CDYL2: variants seen among roughly 807,000 people sequenced by gnomAD.
CDYL2 encodes the protein chromodomain Y-like protein 2.
In CDYL2, 23 loss-of-function variants were observed where a neutral mutation model predicts 49.4. That is an observed-to-expected ratio of 0.47 (90% confidence interval 0.34 to 0.66). CDYL2 has a LOEUF of 0.66. Among genes scored for constraint, CDYL2 ranks in the 30% least tolerant of loss-of-function variants. The probability of loss-of-function intolerance (pLI) is 0.01; values close to 1 mark genes in which losing one functional copy is unlikely to be tolerated. For synonymous variants in CDYL2, 360 were observed against 268.8 expected, an observed-to-expected ratio of 1.34 and a Z score of -3.32; for missense variants, 678 against 656.4, an observed-to-expected ratio of 1.03 and a Z score of -0.36.
chr16:80,690,610 G>T (rs1338830647), intron 1 of CDYL2, among the ~76,000 whole-genome samples: 1 of 152,208 alleles, frequency 6.6e-6, no homozygotes. Context: ...CAAATCCCAT[G>T]CTCTCGGCGA....
Position 80,684,913 on chromosome 16 carries a change from T to G in CDYL2, c.241A>C (p.Ser81Arg). 2 of 1,614,210 alleles carry G rather than the reference T, an allele frequency of 1.2e-6. No individual in the cohort carries two copies. Among genetic ancestry groups the G allele is most frequent in the Non-Finnish European group, 1.7e-6 (2 of 1,180,030 alleles). The change falls in exon 2 of 7, where the codon AGT (serine) becomes CGT (arginine). Residue 81 changes from serine (S) to arginine (R), a missense_variant. Physicochemically the swap from Ser to Arg is moderately radical, Grantham distance 110. This residue lies in a region of CDYL2 where 478 missense variants were observed against 427.0 expected (regional missense o/e 1.12). Transcript: ENST00000570137. ...QSSTSKLLRD[S>R]RGPSVEKLSH... ...AGTTTCTCAACCGACGGGCCTCGACTGTCACGCAGCAGCTTGGAGGTACTG... is the reference window on the plus strand; with the variant it reads ...AGTTTCTCAACCGACGGGCCTCGACGGTCACGCAGCAGCTTGGAGGTACTG...
intron 1 of CDYL2, among the ~76,000 whole-genome samples, chr16:80,717,270 A>G (rs940945070): frequency 6.6e-6 from 1 of 152,180 alleles, no homozygotes; most frequent in African/African-American, 2.4e-5. Flanking sequence ...CACCTTCAGG[A>G]GCTACCCAGA....
chr16:80,665,503 A>AT (rs1426458913), intron 2 of CDYL2, among the ~76,000 whole-genome samples: 3 of 49,874 alleles, frequency 6.0e-5, no homozygotes, highest in African/African-American at 1.9e-4. Context: ...GGTTTTTGCC[A>AT]TTAAAAAAAA....
intron 2 of CDYL2, among the ~76,000 whole-genome samples, chr16:80,651,852 G>C (rs1308174629): frequency 6.6e-6 from 1 of 152,168 alleles, no homozygotes; most frequent in Non-Finnish European, 1.5e-5. Flanking sequence ...TGTTATACTT[G>C]TATACTGGAA....
At position 80,602,942 on chromosome 16, in the gene CDYL2, AC is replaced by A. The variant is rs1354485792; in HGVS notation, c.*1445del. On this transcript the variant is annotated 3_prime_UTR_variant, in exon 7 of 7. Transcript: ENST00000570137. ...TTTCTCCTCACCACTCAAAACCACA[AC>A]CCCCAATCCCTCCTTCTCTGTAGTT... The A allele has an allele frequency of 3.3e-5, 5 of 151,794 alleles. No homozygotes were observed. Among genetic ancestry groups the A allele is most frequent in the Non-Finnish European group, 5.9e-5 (4 of 68,024 alleles). 9.4% of individuals were successfully genotyped at this position (151,794 alleles called of 1,614,324 possible). A position where few individuals can be genotyped will look rare whatever the true frequency, so the allele number is the denominator to read the frequency against.
rs1906662411 is a variant in CDYL2 at position 80,612,808 on chromosome 16, T to G, written c.1036A>C (p.Lys346Gln). ...RDFVKAFIQF[K>Q]KPIVVAINGP... ...TTGATGGCCACCACGATAGGCTTCT[T>G]AAACTGGATAAAGGCCTTCACAAAG... The change falls in exon 5 of 7, where the codon AAG becomes CAG. Residue 346 changes from lysine (K) to glutamine (Q), a missense_variant. Lys to Gln is a moderately conservative substitution (Grantham distance 53). Coordinates refer to ENST00000570137, the MANE Select transcript of CDYL2 (RefSeq NM_152342.4). The surrounding 1 kb of genome is among the most constrained non-coding windows in gnomAD (Gnocchi z 5.0). 1 of 1,613,512 alleles carries G rather than the reference T, an allele frequency of 6.2e-7. No individual in the cohort carries two copies. Among genetic ancestry groups the G allele is most frequent in the Non-Finnish European group, 8.5e-7 (1 of 1,179,750 alleles).
chr16:80,787,938 G>C (rs1444826652), intron 1 of CDYL2, among the ~76,000 whole-genome samples: 14 of 152,066 alleles, frequency 9.2e-5, no homozygotes, highest in Admixed American at 9.2e-4. Context: ...GGAAGTCTAG[G>C]CATCCTGAGC....
chr16:80,605,616 T>A (rs1906297863), intron 6 of CDYL2, among the ~76,000 whole-genome samples: 1 of 151,122 alleles, frequency 6.6e-6, no homozygotes, highest in African/African-American at 2.4e-5. Flanking sequence ...TAATGAACAA[T>A]AATCATAGTA....
chr16:80,740,167 C>T (rs956644206), intron 1 of CDYL2, among the ~76,000 whole-genome samples: 1 of 152,182 alleles, frequency 6.6e-6, no homozygotes, highest in African/African-American at 2.4e-5. Flanking sequence ...GTGTTCCTTG[C>T]TAACCTTGCT....
intron 1 of CDYL2, among the ~76,000 whole-genome samples, chr16:80,709,166 G>A (rs998634450): frequency 6.6e-6 from 1 of 152,116 alleles, no homozygotes; most frequent in Admixed American, 6.5e-5. Flanking sequence ...GGCAGATCAC[G>A]AAGTCAACAG....
chr16:80,738,681 T>C (rs898884812), intron 1 of CDYL2: 1 of 152,236 alleles, frequency 6.6e-6, no homozygotes, highest in Non-Finnish European at 1.5e-5. Flanking sequence ...TATGCTACAA[T>C]TAACTGTGGT....
rs79496707 is a variant in CDYL2, at chr16:80,618,753, T to A, written c.1007+2010A>T. On this transcript the variant is annotated intron_variant, in intron 4 of 6. Coordinates refer to ENST00000570137, the MANE Select transcript of CDYL2 (RefSeq NM_152342.4). The stretch of plus-strand genomic sequence containing the variant: ...GCCTGCAGCTGTCCAGGATAATCTG[T>A]TAACAGACCCCATCCAGCAAAGGTG... Among the ~76,000 whole-genome samples the A allele has an allele frequency of 9.8e-4, 149 of 152,274 alleles. 1 individual carries two copies. The East Asian group carries it at 0.027, about 28-fold the overall frequency.
chr16:80,654,025 C>G (rs1908699329), intron 2 of CDYL2, among the ~76,000 whole-genome samples: 1 of 152,210 alleles, frequency 6.6e-6, no homozygotes, highest in Non-Finnish European at 1.5e-5. Context: ...GTTGGAAAAT[C>G]TCCTGGACTG....
chr16:80,672,535 A>AAAAGGAAAAGGAAAGGAAAGG, intron 2 of CDYL2, among the ~76,000 whole-genome samples: 1 of 46,324 alleles, frequency 2.2e-5, no homozygotes, highest in East Asian at 6.7e-4. Context: ...AAGGAAAAGG[A>AAAAGGAAAAGGAAAGGAAAGG]AAAGGAAAGG....
intron 1 of CDYL2, among the ~76,000 whole-genome samples, chr16:80,801,748 A>G (rs1907933306): frequency 1.3e-5 from 2 of 152,250 alleles, no homozygotes; most frequent in South Asian, 4.1e-4. Flanking sequence ...TTCTTAAATC[A>G]ATATGCTACT....
intron 1 of CDYL2, among the ~76,000 whole-genome samples, chr16:80,699,126 A>G (rs1207867289): frequency 6.6e-6 from 1 of 152,222 alleles, no homozygotes; most frequent in Admixed American, 6.5e-5. Flanking sequence ...TAAAAATTTA[A>G]TATCATATGA....
chr16:80,748,134 T>C (rs1454729045), intron 1 of CDYL2, among the ~76,000 whole-genome samples: 1 of 117,466 alleles, frequency 8.5e-6, no homozygotes, highest in Non-Finnish European at 1.6e-5. Context: ...ATAATAATAA[T>C]AATAATAATA....
intron 1 of CDYL2, among the ~76,000 whole-genome samples, chr16:80,777,022 G>A (rs1289091663): frequency 3.3e-5 from 5 of 151,808 alleles, no homozygotes; most frequent in African/African-American, 9.7e-5. Context: ...GGGTTTTACC[G>A]TGTTGCCCAG....
intron 1 of CDYL2, among the ~76,000 whole-genome samples, chr16:80,707,536 G>C (rs1200694329): frequency 6.6e-6 from 1 of 152,102 alleles, no homozygotes; most frequent in African/African-American, 2.4e-5. Flanking sequence ...CCTTCCAGAG[G>C]GCTCCTTCTG....
Sources: gnomAD v4.1 joint callset for allele counts (sites outside exome capture counted in the v4.1 genomes callset) on GRCh38, gnomAD v4.1.1 for gene constraint, gnomAD v4.1.1 regional missense constraint, Gnocchi (gnomAD v3.1) non-coding constraint, MANE v1.5 for transcripts, NCBI Gene and HGNC (gene_info 2026-07-23, HGNC 2026-07-21) for gene names.